Variants in BNC2 observed in about 807,000 individuals in gnomAD.
BNC2 encodes the protein zinc finger protein basonuclin-2.
In BNC2, 20 loss-of-function variants were observed where a neutral mutation model predicts 76.3. The ratio of observed to expected loss-of-function variants is 0.26; its 90% CI spans 0.18 to 0.38. The LOEUF (loss-of-function observed/expected upper bound fraction) is 0.38. BNC2 is among the 10% of genes least tolerant of loss of function. The pLI, the probability that BNC2 is intolerant of heterozygous loss-of-function variation, is 1.00. For synonymous variants in BNC2, 582 were observed against 514.8 expected, an observed-to-expected ratio of 1.13 and a Z score of -1.77; for missense variants, 1,382 against 1,399.8, an observed-to-expected ratio of 0.99 and a Z score of 0.20.
At chr9:16,664,837 G>A (rs993771666) in intron 3 of BNC2, among the ~76,000 whole-genome samples, 1 of 149,748 alleles carries the variant, frequency 6.7e-6, no homozygotes, top group African/African-American at 2.5e-5. Context: ...TCATGTCCAC[G>A]TGAAATGTGA....
At chr9:16,529,539 T>C (rs2132203848) in intron 5 of BNC2, among the ~76,000 whole-genome samples, 1 of 152,322 alleles carries the variant, frequency 6.6e-6, no homozygotes, top group Middle Eastern at 3.4e-3. Context: ...AAAGGAAGCT[T>C]TGATATATTT....
intron 1 of BNC2, among the ~76,000 whole-genome samples, chr9:16,841,874 A>G (rs1036412946): frequency 1.3e-5 from 2 of 151,046 alleles, no homozygotes; most frequent in African/African-American, 4.9e-5. Context: ...CAATGGCACA[A>G]TCTCAGCTTA....
chr9:16,555,598 G>A (rs1017376337), intron 4 of BNC2, among the ~76,000 whole-genome samples: 2 of 151,602 alleles, frequency 1.3e-5, no homozygotes, highest in African/African-American at 2.4e-5. Flanking sequence ...GTTCAAGACC[G>A]GCCTGGGCAA....
intron 3 of BNC2, among the ~76,000 whole-genome samples, chr9:16,674,806 T>C (rs1248880890): frequency 6.6e-6 from 1 of 152,222 alleles, no homozygotes; most frequent in Non-Finnish European, 1.5e-5. Context: ...GCGTATATGC[T>C]CCTTGAAGCT....
rs918412412 is a variant in BNC2, at chr9:16,665,278, G to A, written c.330+62519C>T. The A allele has an allele frequency of 1.2e-5, 4 of 347,288 alleles. No homozygotes were observed. In the East Asian group the frequency reaches 3.4e-4, roughly 30 times the overall value. The allele number at this position is 347,288 out of a possible 1,614,324, so 21.5% of individuals were successfully genotyped here. A position where few individuals can be genotyped will look rare whatever the true frequency, so the allele number is the denominator to read the frequency against. On this transcript the variant is annotated intron_variant, in intron 3 of 6. Transcript: ENST00000380672. ...CCAGCTACTCCAGAGGCTGAGGCAG[G>A]AGAACTGCTTGAACCTAGGAGGTGG...
intron 1 of BNC2, among the ~76,000 whole-genome samples, chr9:16,848,913 T>A (rs191730266): frequency 6.6e-6 from 1 of 152,200 alleles, no homozygotes; most frequent in Non-Finnish European, 1.5e-5. Context: ...ACAAAATTAC[T>A]TCCAGGCTAT....
chr9:16,644,390 G>A (rs914473446), intron 3 of BNC2, among the ~76,000 whole-genome samples: 2 of 152,006 alleles, frequency 1.3e-5, no homozygotes, highest in Non-Finnish European at 2.9e-5. Flanking sequence ...TCTCTTGGAT[G>A]GTATTGAGCA....
At chr9:16,739,203 T>A (rs1824768079) in intron 1 of BNC2, among the ~76,000 whole-genome samples, 1 of 152,134 alleles carries the variant, frequency 6.6e-6, no homozygotes, top group African/African-American at 2.4e-5. Context: ...GGCCCTATAC[T>A]CCACTACAAA....
chr9:16,572,753 A>G (rs1476637542), intron 4 of BNC2, among the ~76,000 whole-genome samples: 1 of 152,186 alleles, frequency 6.6e-6, no homozygotes, highest in Non-Finnish European at 1.5e-5. Context: ...AGCAAGCGTC[A>G]AAGTACGAAA....
chr9:16,672,369 C>A (rs2134192008), intron 3 of BNC2, among the ~76,000 whole-genome samples: 1 of 152,192 alleles, frequency 6.6e-6, no homozygotes, highest in South Asian at 2.1e-4. Flanking sequence ...TGGTGGCGGG[C>A]ACCTGTAGCC....
At chr9:16,768,920 C>T (rs1012226000) in intron 1 of BNC2, among the ~76,000 whole-genome samples, 3 of 152,040 alleles carry the variant, frequency 2.0e-5, no homozygotes, top group East Asian at 1.9e-4. Flanking sequence ...CCTTAAGAAA[C>T]AGACAAATGG....
At chr9:16,692,042 C>G (rs1776006549) in intron 3 of BNC2, among the ~76,000 whole-genome samples, 6 of 151,348 alleles carry the variant, frequency 4.0e-5, no homozygotes, top group Admixed American at 4.0e-4. Context: ...AACTCCTGAC[C>G]TAAAGTGATC....
intron 5 of BNC2, among the ~76,000 whole-genome samples, chr9:16,494,521 G>C (rs532314287): frequency 3.1e-4 from 47 of 152,066 alleles, no homozygotes; most frequent in Non-Finnish European, 5.4e-4. Flanking sequence ...GTGAGGAAAG[G>C]CTGAAAATTC....
intron 5 of BNC2, among the ~76,000 whole-genome samples, chr9:16,525,506 C>T (rs1817772005): frequency 6.6e-6 from 1 of 152,036 alleles, no homozygotes; most frequent in Non-Finnish European, 1.5e-5. Flanking sequence ...GATGGTAAAC[C>T]TTACTCATTA....
At chr9:16,420,042 G>T (rs1298535842) in intron 6 of BNC2, among the ~76,000 whole-genome samples, 1 of 152,048 alleles carries the variant, frequency 6.6e-6, no homozygotes, top group Non-Finnish European at 1.5e-5. Flanking sequence ...GAAACTTTCT[G>T]CTTGTCTAAA....
rs904872632 is a variant in BNC2 at position 16,414,498 on chromosome 9, A to T, written c.*4491T>A. 7.2e-5 allele frequency: 11 copies of T among 152,238 alleles called. No individual in the cohort carries two copies. Among genetic ancestry groups the T allele is most frequent in the Non-Finnish European group, 1.6e-4 (11 of 68,040 alleles). 9.4% of individuals were successfully genotyped at this position (152,238 alleles called of 1,614,324 possible). A position where few individuals can be genotyped will look rare whatever the true frequency, so the allele number is the denominator to read the frequency against. On this transcript the variant is annotated 3_prime_UTR_variant, in exon 7 of 7. Coordinates refer to ENST00000380672, the MANE Select transcript of BNC2 (RefSeq NM_017637.6). ...TGGGAGAAGATAAGTGATTTTAAAG[A>T]ATGAAATTCGTTTGTCATAATTTTA...
At chr9:16,521,656 A>C (rs940561461) in intron 5 of BNC2, among the ~76,000 whole-genome samples, 2 of 152,162 alleles carry the variant, frequency 1.3e-5, no homozygotes, top group Non-Finnish European at 2.9e-5. Flanking sequence ...CATGTATTTT[A>C]CGTTTTCCTT....
chr9:16,619,588 A>G (rs549496148), intron 3 of BNC2, among the ~76,000 whole-genome samples: 90 of 152,336 alleles, frequency 5.9e-4, no homozygotes, highest in Middle Eastern at 3.4e-3. Context: ...AAACTATTTG[A>G]CATTATTATT....
At chr9:16,597,835 T>C (rs889473961) in intron 3 of BNC2, among the ~76,000 whole-genome samples, 1 of 152,012 alleles carries the variant, frequency 6.6e-6, no homozygotes, top group Admixed American at 6.6e-5. Flanking sequence ...ATATAATTTA[T>C]TTATTTATCG....
Sources: gnomAD v4.1 joint callset for allele counts (sites outside exome capture counted in the v4.1 genomes callset) on GRCh38, gnomAD v4.1.1 for gene constraint, MANE v1.5 for transcripts, NCBI Gene and HGNC (gene_info 2026-07-23, HGNC 2026-07-21) for gene names.